The following BTG3 variants were observed in gnomAD, a reference collection of about 807,000 sequenced individuals.
BTG3 encodes the protein protein BTG3.
Under a neutral mutation model 25.8 loss-of-function variants are expected in BTG3, and 4 were observed. The observed-to-expected ratio is 0.16, with a 90% CI of 0.08 to 0.36. BTG3 has a LOEUF of 0.36. Ranked by LOEUF, BTG3 falls within the 10% of genes least tolerant of loss-of-function variation. The probability of loss-of-function intolerance (pLI) is 1.00; values close to 1 mark genes in which losing one functional copy is unlikely to be tolerated. For synonymous variants in BTG3, 107 were observed against 99.9 expected (o/e 1.07, Z -0.42); for missense variants, 201 against 304.9 (o/e 0.66, Z 2.54).
chr21:17,595,679 TCTTA>T (rs1255790910), intron 4 of BTG3, among the ~76,000 whole-genome samples: 3 of 151,958 alleles, frequency 2.0e-5, no homozygotes, highest in African/African-American at 4.8e-5. Context: ...GTTTTCAGTC[TCTTA>T]CTATTAAAAA....
At chr21:17,605,535 A>G (rs529138809) in intron 2 of BTG3, among the ~76,000 whole-genome samples, 20 of 152,196 alleles carry the variant, frequency 1.3e-4, no homozygotes, top group Middle Eastern at 3.2e-3. Context: ...AGATTCATTC[A>G]TATCATATAC....
intron 1 of BTG3, chr21:17,611,832 T>C (rs1480406656): frequency 6.6e-6 from 1 of 152,268 alleles, no homozygotes; most frequent in Non-Finnish European, 1.5e-5. Flanking sequence ...CAGGAGTTTA[T>C]AACTTTTGTA....
intron 4 of BTG3, among the ~76,000 whole-genome samples, chr21:17,597,383 CAG>C (rs1341160214): frequency 6.6e-6 from 1 of 150,994 alleles, no homozygotes; most frequent in Non-Finnish European, 1.5e-5. Context: ...ATCCATCACA[CAG>C]AGAAAAAAAA....
At chr21:17,599,475 ATTTTTTTTT>A (rs11447568) in intron 3 of BTG3, among the ~76,000 whole-genome samples, 3 of 117,246 alleles carry the variant, frequency 2.6e-5, no homozygotes, top group African/African-American at 9.9e-5. Flanking sequence ...CCACTGGCTG[ATTTTTTTTT>A]TTTTTTTTTT....
intron 2 of BTG3, among the ~76,000 whole-genome samples, chr21:17,606,043 A>G (rs1464831992): frequency 1.3e-5 from 2 of 152,166 alleles, no homozygotes; most frequent in African/African-American, 2.4e-5. Context: ...TTTCTATTTA[A>G]AAAATGAAAA....
intron 3 of BTG3, among the ~76,000 whole-genome samples, chr21:17,599,739 C>CA (rs1398987706): frequency 6.6e-6 from 1 of 152,180 alleles, no homozygotes; most frequent in Non-Finnish European, 1.5e-5. Flanking sequence ...CTCGGCCTCC[C>CA]AAAGTGCTGG....
intron 1 of BTG3, chr21:17,611,794 A>C (rs751738595): frequency 6.6e-5 from 10 of 152,222 alleles, no homozygotes; most frequent in Non-Finnish European, 1.3e-4. Context: ...TAAAACCCAA[A>C]GGGAATCCAG....
chr21:17,607,036 T>C (rs2061652697), intron 2 of BTG3, among the ~76,000 whole-genome samples: 1 of 152,228 alleles, frequency 6.6e-6, no homozygotes. Flanking sequence ...TTCTACAGAC[T>C]GAAGTCTCTA....
intron 4 of BTG3, among the ~76,000 whole-genome samples, chr21:17,596,598 G>C (rs1047407275): frequency 1.3e-5 from 2 of 151,986 alleles, no homozygotes; most frequent in African/African-American, 4.8e-5. Flanking sequence ...AAGACTAACT[G>C]TATGTATGTG....
chr21:17,594,051 T>C lies in BTG3; in HGVS notation c.*42A>G. The C allele has an allele frequency of 6.3e-7, 1 of 1,595,108 alleles. No individual in the cohort carries two copies. Among genetic ancestry groups the C allele is most frequent in the South Asian group, 1.1e-5 (1 of 87,330 alleles). On this transcript the variant is annotated 3_prime_UTR_variant, in exon 5 of 5. Coordinates refer to ENST00000348354, the MANE Select transcript of BTG3 (RefSeq NM_006806.5). ...TTTTAATGTGTAGTAAGGTTTATTCTACCTTTTTCTCAACATGACACCAAC... is the reference window on the plus strand; with the variant it reads ...TTTTAATGTGTAGTAAGGTTTATTCCACCTTTTTCTCAACATGACACCAAC...
chr21:17,611,782 G>A (rs2061728255), intron 1 of BTG3: 1 of 152,250 alleles, frequency 6.6e-6, no homozygotes, highest in Admixed American at 6.5e-5. Context: ...CGGCTGCGTG[G>A]ATAAAACCCA....
chr21:17,598,570 G>A, intron 4 of BTG3, 47 bp downstream of exon 4: 1 of 1,526,508 alleles, frequency 6.6e-7, no homozygotes, highest in East Asian at 2.3e-5. Flanking sequence ...GAAAGGTCCT[G>A]GCAATCCCTG....
chr21:17,597,642 TACATAC>T (rs199992215), intron 4 of BTG3, among the ~76,000 whole-genome samples: 1,571 of 152,106 alleles, frequency 0.01, 12 homozygotes, highest in Admixed American at 0.033. Context: ...CATATACATA[TACATAC>T]ACATATACAT....
intron 4 of BTG3, among the ~76,000 whole-genome samples, chr21:17,594,669 C>G (rs910353364): frequency 6.6e-6 from 1 of 152,042 alleles, no homozygotes; most frequent in African/African-American, 2.4e-5. Context: ...CTGGCTAAGC[C>G]AGGAGTCACT....
At chr21:17,607,154 C>G (rs1432833434) in intron 2 of BTG3, among the ~76,000 whole-genome samples, 1 of 152,132 alleles carries the variant, frequency 6.6e-6, no homozygotes, top group Non-Finnish European at 1.5e-5. Flanking sequence ...TACTTCTGAT[C>G]ACATGCCAAT....
At chr21:17,599,037 A>G (rs1405220407) in intron 3 of BTG3, 4 of 429,388 alleles carry the variant, frequency 9.3e-6, no homozygotes, top group East Asian at 3.5e-5. Flanking sequence ...GTATTCATAA[A>G]CATAACCCCA....
chr21:17,611,041 A>G lies in BTG3; in HGVS notation c.-9+1658T>C, dbSNP rs528145034. Reference sequence around the variant, plus strand: ...AGAAATTCACCTTCTACAGCCAGCTAGCAGGCACCGGGCATGGGTCCACAC... The same window carrying G: ...AGAAATTCACCTTCTACAGCCAGCTGGCAGGCACCGGGCATGGGTCCACAC... On this transcript the variant is annotated intron_variant, in intron 1 of 4. Coordinates refer to ENST00000348354, the MANE Select transcript of BTG3 (RefSeq NM_006806.5). Among the ~76,000 whole-genome samples, 11 of 148,528 alleles carry G rather than the reference A, an allele frequency of 7.4e-5. No homozygotes were observed. The South Asian group carries it at 1.9e-3, about 25-fold the overall frequency.
At chr21:17,611,742 C>T (rs2061727666) in intron 1 of BTG3, 1 of 152,362 alleles carries the variant, frequency 6.6e-6, no homozygotes, top group African/African-American at 2.4e-5. Context: ...TCCTCAAGTT[C>T]TACTTTGTTC....
At chr21:17,599,283 G>A (rs115836543) in intron 3 of BTG3, among the ~76,000 whole-genome samples, 5 of 150,636 alleles carry the variant, frequency 3.3e-5, no homozygotes, top group Admixed American at 1.3e-4. Flanking sequence ...TCAGGTGATC[G>A]ATCCTCCAAC....
Sources: allele counts gnomAD v4.1 joint callset (sites outside exome capture counted in the v4.1 genomes callset), GRCh38; gene constraint gnomAD v4.1.1; transcripts MANE v1.5; gene names NCBI Gene and HGNC (gene_info 2026-07-23, HGNC 2026-07-21).